The following DYNLT5 variants were observed in gnomAD, a reference collection of about 807,000 sequenced individuals.
The protein encoded by DYNLT5 is dynein light chain Tctex-type family member 5, also known as dynein light chain Tctex-type 5.
A neutral mutation model predicts 19.3 loss-of-function variants in DYNLT5; 25 were observed. The ratio of observed to expected loss-of-function variants is 1.30; its 90% CI spans 0.95 to 1.81. The LOEUF is 1.81. Ranked by LOEUF, DYNLT5 falls within the 40% of genes most tolerant of loss-of-function variation. The pLI is 0.00. For synonymous variants in DYNLT5, 82 were observed against 68.9 expected (o/e 1.19, Z -0.94); for missense variants, 232 against 217.9 (o/e 1.06, Z -0.41).
chr1:66,754,815 A>C, intron 2 of DYNLT5, 38 bp downstream of exon 2: 1 of 1,588,704 alleles, frequency 6.3e-7, no homozygotes, highest in Non-Finnish European at 8.5e-7. Context: ...CATTTATTGA[A>C]TAAATAGGTT....
chr1:66,777,685 T>G lies in DYNLT5; in HGVS notation c.*231T>G, dbSNP rs1172527356. On this transcript the variant is annotated 3_prime_UTR_variant, in exon 5 of 5. Transcript: ENST00000282670. ...GAACTTGATCTTGGTTTTGCTGGAT[T>G]GCTTTCCATAGACATAGATTCTTAT... The G allele has an allele frequency of 2.5e-6, 1 of 396,248 alleles. No individual in the cohort carries two copies. The highest frequency in any genetic ancestry group is 2.0e-5 in the African/African-American group (1 of 49,552). 24.5% of individuals were successfully genotyped at this position (396,248 alleles called of 1,614,324 possible).
chr1:66,770,598 A>T lies in DYNLT5; in HGVS notation c.211+120A>T, dbSNP rs770582599. The T allele has an allele frequency of 3.1e-5, 26 of 825,724 alleles. No individual in the cohort carries two copies. The South Asian group carries it at 3.5e-4, about 11-fold the overall frequency. The allele number at this position is 825,724 out of a possible 1,614,324, so 51.1% of individuals were successfully genotyped here. A position where few individuals can be genotyped will look rare whatever the true frequency, so the allele number is the denominator to read the frequency against. On this transcript the variant is annotated intron_variant, in intron 3 of 4. Coordinates refer to ENST00000282670, the MANE Select transcript of DYNLT5 (RefSeq NM_152665.3). The stretch of plus-strand genomic sequence containing the variant: ...TTCTAGCACAATATAAGGGACTTTA[A>T]TGAATTGAGTGATTTGATGTTGCTT...
intron 2 of DYNLT5, among the ~76,000 whole-genome samples, chr1:66,768,058 G>T (rs953166650): frequency 6.6e-6 from 1 of 152,140 alleles, no homozygotes; most frequent in Non-Finnish European, 1.5e-5. Flanking sequence ...TCCCTGACAC[G>T]ATGTTCATTA....
At chr1:66,755,898 A>G (rs1243588257) in intron 2 of DYNLT5, 1 of 152,218 alleles carries the variant, frequency 6.6e-6, no homozygotes, top group East Asian at 1.9e-4. Context: ...AATTCAACTT[A>G]CGTTTTCCAA....
chr1:66,760,030 C>T (rs1001846337), intron 2 of DYNLT5, among the ~76,000 whole-genome samples: 1 of 152,144 alleles, frequency 6.6e-6, no homozygotes, highest in African/African-American at 2.4e-5. Flanking sequence ...TTCCCTCAGC[C>T]ATCCATGTGG....
At chr1:66,753,062 C>A (rs2094629804) in intron 1 of DYNLT5, among the ~76,000 whole-genome samples, 2 of 152,214 alleles carry the variant, frequency 1.3e-5, no homozygotes, top group Admixed American at 6.5e-5. Flanking sequence ...CCTTCGTACA[C>A]ACGAACACAG....
chr1:66,763,356 T>C (rs1029857622), intron 2 of DYNLT5, among the ~76,000 whole-genome samples: 1 of 152,222 alleles, frequency 6.6e-6, no homozygotes, highest in Non-Finnish European at 1.5e-5. Flanking sequence ...TAAATGAGTA[T>C]TGGCTTGAAC....
chr1:66,762,564 C>T (rs2094647849), intron 2 of DYNLT5, among the ~76,000 whole-genome samples: 1 of 152,130 alleles, frequency 6.6e-6, no homozygotes. Context: ...ACACTTTGAC[C>T]TCCTCCCATG....
At chr1:66,764,572 AT>A (rs1320672884) in intron 2 of DYNLT5, among the ~76,000 whole-genome samples, 1 of 152,232 alleles carries the variant, frequency 6.6e-6, no homozygotes, top group Non-Finnish European at 1.5e-5. Flanking sequence ...CAATAATAAC[AT>A]AAAATAACAC....
At chr1:66,764,420 G>A (rs185654017) in intron 2 of DYNLT5, among the ~76,000 whole-genome samples, 1 of 152,132 alleles carries the variant, frequency 6.6e-6, no homozygotes, top group Non-Finnish European at 1.5e-5. Context: ...TTTCAATATT[G>A]TTGTGTCACA....
intron 4 of DYNLT5, 83 bp downstream of exon 4, chr1:66,776,486 G>T: frequency 1.4e-6 from 2 of 1,474,218 alleles, no homozygotes; most frequent in Non-Finnish European, 1.8e-6. Flanking sequence ...TTTTGATGAG[G>T]GGAATTAATT....
chr1:66,758,433 G>A (rs1357513229), intron 2 of DYNLT5, among the ~76,000 whole-genome samples: 1 of 152,156 alleles, frequency 6.6e-6, no homozygotes, highest in African/African-American at 2.4e-5. Flanking sequence ...AGTTCCACTA[G>A]TAGATTAGGG....
chr1:66,767,756 G>A (rs1645173189), intron 2 of DYNLT5, among the ~76,000 whole-genome samples: 1 of 152,150 alleles, frequency 6.6e-6, no homozygotes, highest in South Asian at 2.1e-4. Context: ...TCTGTAATCT[G>A]CAAGGTCACC....
rs148669631 is a variant in DYNLT5, at chr1:66,774,058, G to A, written c.212-2221G>A. ...TAATGACTTTTTTTTTAATCTAAGC[G>A]AAGTATGGAAAGGACATTGGTAGCA... is the stretch of plus-strand genomic sequence containing the variant. On this transcript the variant is annotated intron_variant, in intron 3 of 4. Transcript: ENST00000282670. Among the ~76,000 whole-genome samples the A allele has an allele frequency of 7.2e-3, 1,101 of 152,006 alleles. 10 individuals are homozygous for A. Among genetic ancestry groups the A allele is most frequent in the African/African-American group, 0.025 (1,037 of 41,470 alleles).
chr1:66,767,442 G>T (rs1394239536), intron 2 of DYNLT5, among the ~76,000 whole-genome samples: 1 of 152,054 alleles, frequency 6.6e-6, no homozygotes, highest in Non-Finnish European at 1.5e-5. Context: ...TATTTTAGTA[G>T]AGATGGGGTT....
chr1:66,766,675 A>G (rs1033270311), intron 2 of DYNLT5, among the ~76,000 whole-genome samples: 2 of 151,956 alleles, frequency 1.3e-5, no homozygotes, highest in African/African-American at 4.8e-5. Context: ...TATTTTTTCT[A>G]TTCAACATTT....
At chr1:66,762,888 A>G (rs1222208411) in intron 2 of DYNLT5, among the ~76,000 whole-genome samples, 1 of 152,230 alleles carries the variant, frequency 6.6e-6, no homozygotes, top group Non-Finnish European at 1.5e-5. Flanking sequence ...ACACAAAGAA[A>G]AGATAAATGT....
intron 3 of DYNLT5, among the ~76,000 whole-genome samples, chr1:66,773,041 T>A (rs1645212672): frequency 6.6e-6 from 1 of 152,196 alleles, no homozygotes; most frequent in Non-Finnish European, 1.5e-5. Context: ...CCATTCATCA[T>A]GTTACTACTC....
intron 4 of DYNLT5, 139 bp from the exon 5 acceptor site, chr1:66,777,112 T>TA (rs1178662722): frequency 6.9e-6 from 5 of 720,500 alleles, no homozygotes; most frequent in Non-Finnish European, 1.1e-5. Flanking sequence ...GAATCATACT[T>TA]ACGGTTCTAA....
Sources: allele counts gnomAD v4.1 joint callset (sites outside exome capture counted in the v4.1 genomes callset), GRCh38; gene constraint gnomAD v4.1.1; transcripts MANE v1.5; gene names NCBI Gene and HGNC (gene_info 2026-07-23, HGNC 2026-07-21).